Variants in C4BPA observed in about 807,000 individuals in gnomAD.
C4BPA encodes the protein C4b-binding protein alpha chain.
Under a neutral mutation model 63.7 loss-of-function variants are expected in C4BPA, and 31 were observed. The observed-to-expected ratio is 0.49, with a 90% CI of 0.37 to 0.66. The LOEUF (loss-of-function observed/expected upper bound fraction) is 0.66, where lower values mean the gene tolerates loss of function less well. Ranked by LOEUF, C4BPA falls within the 30% of genes least tolerant of loss-of-function variation. The pLI, the probability that C4BPA is intolerant of heterozygous loss-of-function variation, is 0.00. For missense variants in C4BPA, 572 were observed against 723.3 expected (o/e 0.79, Z 2.40); for synonymous variants, 259 against 254.7 (o/e 1.02, Z -0.16).
rs1341847680 is a variant in C4BPA, at chr1:207,126,582, C to T, written c.707-131C>T. 6.8e-6 allele frequency: 4 copies of T among 585,164 alleles called. No individual in the cohort carries two copies. In the African/African-American group the frequency reaches 7.5e-5, roughly 11 times the overall value. The allele number at this position is 585,164 out of a possible 1,614,324, so 36.2% of individuals were successfully genotyped here. On this transcript the variant is annotated intron_variant, in intron 6 of 11. Coordinates refer to ENST00000367070, the MANE Select transcript of C4BPA (RefSeq NM_000715.4). The stretch of plus-strand genomic sequence containing the variant: ...ATGTGTATTCACTTTAAAATGTTTC[C>T]CTTGTATCTACTTGACATGCACATT...
At chr1:207,126,614 G>C (rs769771528) in intron 6 of C4BPA, 99 bp from the exon 7 acceptor site, 6 of 790,188 alleles carry the variant, frequency 7.6e-6, no homozygotes, top group Non-Finnish European at 1.0e-5. Flanking sequence ...CATTCAACAG[G>C]CATTTGTGTT....
intron 7 of C4BPA, among the ~76,000 whole-genome samples, chr1:207,130,802 TG>T (rs1219985849): frequency 2.0e-5 from 3 of 150,654 alleles, no homozygotes; most frequent in Non-Finnish European, 3.0e-5. Context: ...TAGGGGGAGG[TG>T]GAAATAGGGA....
intron 8 of C4BPA, among the ~76,000 whole-genome samples, chr1:207,132,267 A>G (rs1232533183): frequency 6.6e-6 from 1 of 152,248 alleles, no homozygotes; most frequent in Non-Finnish European, 1.5e-5. Context: ...AAGGATAGAA[A>G]GGAGACTTCC....
At chr1:207,114,061 G>T in intron 2 of C4BPA, 39 bp from the exon 3 acceptor site, 1 of 1,554,754 alleles carries the variant, frequency 6.4e-7, no homozygotes. Context: ...TGTGTCCCAA[G>T]GTATAAGTTT....
At chr1:207,141,331 G>C in intron 10 of C4BPA, 55 bp downstream of exon 10, 1 of 1,370,090 alleles carries the variant, frequency 7.3e-7, no homozygotes, top group Non-Finnish European at 1.0e-6. Context: ...TGTCCTGAGA[G>C]CACTGAGAGC....
intron 2 of C4BPA, 54 bp from the exon 3 acceptor site, chr1:207,114,046 G>A (rs1684728092): frequency 7.0e-7 from 1 of 1,438,540 alleles, no homozygotes; most frequent in East Asian, 2.3e-5. Flanking sequence ...GAAACAATAA[G>A]ATGCTGTGTC....
At chr1:207,111,759 T>C (rs1684671736) in intron 1 of C4BPA, among the ~76,000 whole-genome samples, 1 of 152,148 alleles carries the variant, frequency 6.6e-6, no homozygotes, top group Non-Finnish European at 1.5e-5. Context: ...TTGAAGGGAC[T>C]CCCTTTACCT....
chr1:207,128,457 T>A (rs1685092044), intron 7 of C4BPA, among the ~76,000 whole-genome samples: 1 of 152,234 alleles, frequency 6.6e-6, no homozygotes, highest in Admixed American at 6.5e-5. Context: ...GTAAACACTC[T>A]GCCCCTTTCA....
intron 4 of C4BPA, among the ~76,000 whole-genome samples, chr1:207,121,185 TTAAAG>T (rs1684914920): frequency 6.6e-6 from 1 of 152,172 alleles, no homozygotes; most frequent in Admixed American, 6.5e-5. Flanking sequence ...AAGATAGGAG[TTAAAG>T]TAAATTAATA....
chr1:207,134,677 T>TA (rs1685241391), intron 9 of C4BPA, 85 bp downstream of exon 9: 5 of 971,948 alleles, frequency 5.1e-6, no homozygotes, highest in South Asian at 3.5e-5. Context: ...TAAAATTAGG[T>TA]AAAAAAATTC....
At chr1:207,137,542 T>A (rs1685308468) in intron 9 of C4BPA, among the ~76,000 whole-genome samples, 1 of 152,230 alleles carries the variant, frequency 6.6e-6, no homozygotes, top group Admixed American at 6.5e-5. Flanking sequence ...GTTGAATTAT[T>A]ATCAGAAGAA....
At chr1:207,125,582 G>A (rs937776330) in intron 6 of C4BPA, among the ~76,000 whole-genome samples, 1 of 152,068 alleles carries the variant, frequency 6.6e-6, no homozygotes, top group Non-Finnish European at 1.5e-5. Context: ...AGTCTCTTTT[G>A]CCCTTCTGTC....
Position 207,130,546 on chromosome 1 carries a change from C to A in C4BPA, c.890-1000C>A, listed in dbSNP as rs1198463146. ...TCATAATAGCCAAACAACCCAAATG[C>A]CCATCAAATGAATAATGAATAAACA... On this transcript the variant is annotated intron_variant, in intron 7 of 11. Transcript: ENST00000367070. Among the ~76,000 whole-genome samples, 3 of 151,980 alleles carry A rather than the reference C, an allele frequency of 2.0e-5. No homozygotes were observed. In the East Asian group the frequency reaches 5.8e-4, roughly 29 times the overall value.
intron 3 of C4BPA, among the ~76,000 whole-genome samples, chr1:207,115,204 G>A (rs1327891908): frequency 6.6e-6 from 1 of 151,988 alleles, no homozygotes; most frequent in Non-Finnish European, 1.5e-5. Context: ...TATTTAACTG[G>A]TCATTTTTCT....
Position 207,126,753 on chromosome 1 carries a change from G to A in C4BPA, c.747G>A (p.Met249Ile), listed in dbSNP as rs1327541375. 3 of 1,610,628 alleles carry A rather than the reference G, an allele frequency of 1.9e-6. No individual in the cohort carries two copies. The highest frequency in any genetic ancestry group is 2.7e-5 in the African/African-American group (2 of 74,792). ...AGCCAGATGTTTCACATGGGGAAAT[G>A]GTCTCTGGATTTGGACCCATCTATA... ...CRKPDVSHGE[M>I]VSGFGPIYNY... Residue 249 changes from methionine (M) to isoleucine (I), a missense_variant, in exon 7 of 12, where the codon ATG (methionine) becomes ATA (isoleucine). This residue lies in a region of C4BPA where 465 missense variants were observed against 629.4 expected (regional missense o/e 0.74). Coordinates refer to ENST00000367070, the MANE Select transcript of C4BPA (RefSeq NM_000715.4).
At chr1:207,115,176 G>A (rs2842702) in intron 3 of C4BPA, among the ~76,000 whole-genome samples, 2,595 of 152,194 alleles carry the variant, frequency 0.017, 71 homozygotes, top group African/African-American at 0.059. Flanking sequence ...CCTGGACCAC[G>A]TGTTCTGCTG....
intron 1 of C4BPA, among the ~76,000 whole-genome samples, chr1:207,107,732 C>A (rs1214604586): frequency 6.6e-6 from 1 of 152,156 alleles, no homozygotes; most frequent in African/African-American, 2.4e-5. Context: ...GACATAATGG[C>A]ATCAACATGG....
At chr1:207,128,521 G>A (rs888360570) in intron 7 of C4BPA, among the ~76,000 whole-genome samples, 1 of 152,150 alleles carries the variant, frequency 6.6e-6, no homozygotes, top group African/African-American at 2.4e-5. Context: ...GGGAGTTGCT[G>A]AAAAAAGTAG....
At chr1:207,116,358 T>G (rs1429287828) in intron 4 of C4BPA, among the ~76,000 whole-genome samples, 1 of 104,740 alleles carries the variant, frequency 9.5e-6, no homozygotes, top group African/African-American at 2.9e-5. Context: ...GTCTGATGCC[T>G]GGTTGTTGTT....
Sources: allele counts gnomAD v4.1 joint callset (sites outside exome capture counted in the v4.1 genomes callset), GRCh38; gene constraint gnomAD v4.1.1; regional missense constraint gnomAD v4.1.1; transcripts MANE v1.5; gene names NCBI Gene and HGNC (gene_info 2026-07-23, HGNC 2026-07-21).